The following ANGPT1 variants were observed in gnomAD, a reference collection of about 807,000 sequenced individuals.
ANGPT1 encodes angiopoietin-1.
In ANGPT1, 17 loss-of-function variants were observed where a neutral mutation model predicts 62.2. The ratio of observed to expected loss-of-function variants is 0.27; its 90% CI spans 0.19 to 0.41. The LOEUF is 0.41. Among genes scored for constraint, ANGPT1 ranks in the 10% least tolerant of loss-of-function variants. The pLI, the probability that ANGPT1 is intolerant of heterozygous loss-of-function variation, is 1.00. For synonymous variants in ANGPT1, 199 were observed against 198.9 expected, an observed-to-expected ratio of 1.00 and a Z score of 0.00; for missense variants, 478 against 594.9, an observed-to-expected ratio of 0.80 and a Z score of 2.04.
intron 1 of ANGPT1, among the ~76,000 whole-genome samples, chr8:107,378,686 T>C (rs2959350): frequency 0.74 from 112,222 of 151,844 alleles, 42,445 homozygotes; most frequent in East Asian, 0.87. Context: ...AGTGAGTTCT[T>C]GCGAGATCTG....
intron 3 of ANGPT1, among the ~76,000 whole-genome samples, chr8:107,331,355 C>A (rs537258171): frequency 6.6e-6 from 1 of 152,260 alleles, no homozygotes; most frequent in African/African-American, 2.4e-5. Context: ...TAGTTTATAT[C>A]TTCTGCTCTA....
intron 8 of ANGPT1, among the ~76,000 whole-genome samples, chr8:107,257,947 T>TC (rs1491108540): frequency 1.2e-4 from 16 of 131,282 alleles, no homozygotes; most frequent in South Asian, 8.0e-4. Flanking sequence ...TCTCTCTCTC[T>TC]TTCTTTCTTT....
At chr8:107,426,321 G>T (rs902587261) in intron 1 of ANGPT1, among the ~76,000 whole-genome samples, 3 of 152,164 alleles carry the variant, frequency 2.0e-5, no homozygotes, top group African/African-American at 7.2e-5. Flanking sequence ...ACCAGGAAAG[G>T]TTTCTCAGAG....
intron 3 of ANGPT1, among the ~76,000 whole-genome samples, chr8:107,331,299 G>C (rs1333184544): frequency 1.3e-5 from 2 of 152,130 alleles, no homozygotes; most frequent in East Asian, 1.9e-4. Flanking sequence ...CTAGAAGATA[G>C]ATGAGCATGT....
chr8:107,311,496 T>C (rs1462876793), intron 4 of ANGPT1, among the ~76,000 whole-genome samples: 1 of 152,182 alleles, frequency 6.6e-6, no homozygotes, highest in Non-Finnish European at 1.5e-5. Flanking sequence ...TGATATATAA[T>C]TGCAGATATA....
intron 1 of ANGPT1, among the ~76,000 whole-genome samples, chr8:107,359,383 G>T (rs1816113381): frequency 6.6e-6 from 1 of 152,110 alleles, no homozygotes; most frequent in African/African-American, 2.4e-5. Context: ...TATATCTCAA[G>T]AATCTGAATG....
chr8:107,319,483 A>C (rs1026159242), intron 4 of ANGPT1, among the ~76,000 whole-genome samples: 2 of 151,988 alleles, frequency 1.3e-5, no homozygotes, highest in Non-Finnish European at 2.9e-5. Context: ...TGATGCGTTT[A>C]TTCTGGTATG....
At chr8:107,409,715 A>G (rs1255515776) in intron 1 of ANGPT1, among the ~76,000 whole-genome samples, 2 of 118,700 alleles carry the variant, frequency 1.7e-5, no homozygotes, top group African/African-American at 2.6e-5. Context: ...CATATGAAAA[A>G]TGCCTTTTTT....
intron 1 of ANGPT1, among the ~76,000 whole-genome samples, chr8:107,494,115 T>C (rs973404447): frequency 2.2e-5 from 3 of 136,622 alleles, no homozygotes; most frequent in African/African-American, 8.2e-5. Context: ...TCAATTTATT[T>C]AAACTTTTAA....
At chr8:107,378,423 T>G (rs1417013166) in intron 1 of ANGPT1, among the ~76,000 whole-genome samples, 2 of 152,190 alleles carry the variant, frequency 1.3e-5, no homozygotes, top group Non-Finnish European at 2.9e-5. Context: ...ATGTTAATTA[T>G]CCTAAGAGAA....
rs777044540 is a variant in ANGPT1 at position 107,346,899 on chromosome 8, AT to A, written c.453+42del. 1.0e-5 allele frequency: 16 copies of A among 1,534,338 alleles called. No individual in the cohort carries two copies. The South Asian group carries it at 1.4e-4, about 13-fold the overall frequency. ...ATGGAGAAAGCTAAAGAAAAAAAAAATTTTTCCTTGTTGAGTCTGTGGACTC... is the reference window on the plus strand; with the variant it reads ...ATGGAGAAAGCTAAAGAAAAAAAAAATTTTCCTTGTTGAGTCTGTGGACTC... On this transcript the variant is annotated intron_variant, in intron 2 of 8. Coordinates refer to ENST00000517746, the MANE Select transcript of ANGPT1 (RefSeq NM_001146.5).
intron 1 of ANGPT1, among the ~76,000 whole-genome samples, chr8:107,411,355 C>T (rs1170408545): frequency 6.6e-6 from 1 of 152,094 alleles, no homozygotes; most frequent in Non-Finnish European, 1.5e-5. Context: ...TTGTTTGGTA[C>T]ACCTTTATTC....
At chr8:107,428,520 C>G (rs938565260) in intron 1 of ANGPT1, among the ~76,000 whole-genome samples, 9 of 152,132 alleles carry the variant, frequency 5.9e-5, no homozygotes, top group Admixed American at 5.9e-4. Context: ...AAGGGTCTGT[C>G]TTCAGCTCCT....
intron 1 of ANGPT1, among the ~76,000 whole-genome samples, chr8:107,381,861 G>T (rs538793539): frequency 6.6e-6 from 1 of 152,276 alleles, no homozygotes; most frequent in South Asian, 2.1e-4. Flanking sequence ...TTTGTTGGCT[G>T]ATCAGAGTAA....
At chr8:107,459,462 C>T (rs1221590044) in intron 1 of ANGPT1, among the ~76,000 whole-genome samples, 5 of 151,100 alleles carry the variant, frequency 3.3e-5, no homozygotes, top group African/African-American at 1.2e-4. Flanking sequence ...GCACTCCAGC[C>T]TGGGCAAGTG....
At chr8:107,389,762 T>C (rs188851635) in intron 1 of ANGPT1, among the ~76,000 whole-genome samples, 9 of 152,248 alleles carry the variant, frequency 5.9e-5, no homozygotes, top group African/African-American at 1.9e-4. Context: ...TAGGGACATA[T>C]ATATGTATAG....
chr8:107,469,614 G>A (rs1441857143), intron 1 of ANGPT1, among the ~76,000 whole-genome samples: 1 of 151,954 alleles, frequency 6.6e-6, no homozygotes, highest in African/African-American at 2.4e-5. Context: ...TTCTCACACT[G>A]TTGGAGAAAA....
At chr8:107,463,168 A>G (rs1278885817) in intron 1 of ANGPT1, among the ~76,000 whole-genome samples, 1 of 152,146 alleles carries the variant, frequency 6.6e-6, no homozygotes, top group East Asian at 1.9e-4. Context: ...GCTTTGATGA[A>G]GTAAGCTGAA....
Position 107,292,667 on chromosome 8 carries a change from C to T in ANGPT1, c.1038+1269G>A, listed in dbSNP as rs181732708. 2.3e-3 allele frequency among the ~76,000 whole-genome samples: 357 copies of T among 152,234 alleles called. 5 individuals carry two copies. Among genetic ancestry groups the T allele is most frequent in the Admixed American group, 0.022 (329 of 15,290 alleles). ...TTTGTGTAAGTCCAAACTTTTTAAA[C>T]GTGCTTTCAGACTGTTCGACTGAGT... On this transcript the variant is annotated intron_variant, in intron 6 of 8. Transcript: ENST00000517746.
Sources: gnomAD v4.1 joint callset for allele counts (sites outside exome capture counted in the v4.1 genomes callset) on GRCh38, gnomAD v4.1.1 for gene constraint, MANE v1.5 for transcripts, NCBI Gene and HGNC (gene_info 2026-07-23, HGNC 2026-07-21) for gene names.